The following RSF1 variants were observed in gnomAD, a reference collection of about 807,000 sequenced individuals.
RSF1 encodes HBV pX-associated protein 8.
In RSF1, 13 loss-of-function variants were observed where a neutral mutation model predicts 145.2. The ratio of observed to expected loss-of-function variants is 0.09; its 90% CI spans 0.06 to 0.14. The LOEUF (loss-of-function observed/expected upper bound fraction) is 0.14, where lower values mean the gene tolerates loss of function less well. RSF1 is among the 10% of genes least tolerant of loss of function. The pLI, the probability that RSF1 is intolerant of heterozygous loss-of-function variation, is 1.00. For synonymous variants in RSF1, 577 were observed against 592.6 expected (o/e 0.97, Z 0.38); for missense variants, 1,517 against 1,718.2 (o/e 0.88, Z 2.07).
At chr11:77,720,295 T>C (rs1960914380) in intron 5 of RSF1, among the ~76,000 whole-genome samples, 1 of 152,236 alleles carries the variant, frequency 6.6e-6, no homozygotes, top group Admixed American at 6.5e-5. Flanking sequence ...GACAGTCTTC[T>C]TTCAATTAGT....
chr11:77,686,408 C>CAAAAAATAAAAAA (rs1960006325), intron 9 of RSF1, among the ~76,000 whole-genome samples: 1 of 37,132 alleles, frequency 2.7e-5, no homozygotes, highest in Non-Finnish European at 4.7e-5. Context: ...GACCCTGTCT[C>CAAAAAATAAAAAA]AAAAAAAAAA....
At chr11:77,734,308 TG>T (rs34599168) in intron 4 of RSF1, among the ~76,000 whole-genome samples, 34,570 of 144,062 alleles carry the variant, frequency 0.24, 4,593 homozygotes, top group East Asian at 0.45. Flanking sequence ...TTACTTTTTT[TG>T]GGGGGGGGTA....
intron 2 of RSF1, chr11:77,764,316 G>A (rs972522095): frequency 1.7e-5 from 5 of 301,136 alleles, no homozygotes; most frequent in Non-Finnish European, 2.4e-5. Flanking sequence ...ATGTGATCAG[G>A]GTGATTTTAA....
the RSF1 span, among the ~76,000 whole-genome samples, chr11:77,839,551 G>A: frequency 3.8e-3 from 585 of 152,236 alleles, 3 homozygotes; most frequent in African/African-American, 0.013. Context: ...TTACAATAGC[G>A]AAGACATGGA....
At chr11:77,766,544 A>G (rs1948228054) in intron 1 of RSF1, among the ~76,000 whole-genome samples, 1 of 152,150 alleles carries the variant, frequency 6.6e-6, no homozygotes, top group Admixed American at 6.6e-5. Context: ...AAGACAAGTA[A>G]ATAGACAAAT....
chr11:77,832,947 ATATATG>A, the RSF1 span, among the ~76,000 whole-genome samples: 21 of 83,698 alleles, frequency 2.5e-4, no homozygotes, highest in Admixed American at 3.7e-4. Flanking sequence ...TATTGTATAT[ATATATG>A]TGTGTGTGTG....
chr11:77,798,758 TCTCA>T (rs1302401550), intron 1 of RSF1, among the ~76,000 whole-genome samples: 1 of 151,294 alleles, frequency 6.6e-6, no homozygotes, highest in Non-Finnish European at 1.5e-5. Context: ...CACCACACAT[TCTCA>T]CTCAGAAGTG....
chr11:77,759,050 A>AT (rs1948144652), intron 2 of RSF1, among the ~76,000 whole-genome samples: 1 of 151,634 alleles, frequency 6.6e-6, no homozygotes, highest in East Asian at 1.9e-4. Flanking sequence ...ATTTCCCTTT[A>AT]TTTTTTTCTA....
In RSF1 at chr11:77,788,134, C is replaced by T. The variant is rs1439333186; in HGVS notation, c.188-23445G>A. The stretch of plus-strand genomic sequence containing the variant: ...TCTAACCTGGGCAACCAGAGTGAGA[C>T]ACTATCTCAAAAAAAAAAAAAAAAA... On this transcript the variant is annotated intron_variant, in intron 1 of 15. Transcript: ENST00000308488. 4.1e-4 allele frequency among the ~76,000 whole-genome samples: 10 copies of T among 24,344 alleles called. No individual in the cohort carries two copies. In the Admixed American group the frequency reaches 6.8e-3, roughly 17 times the overall value. 16.0% of individuals were successfully genotyped at this position (24,344 alleles called of 152,430 possible).
chr11:77,820,830 G>T, upstream of RSF1: 1 of 1,079,502 alleles, frequency 9.3e-7, no homozygotes, highest in Non-Finnish European at 1.3e-6. Context: ...GCTCCTCTGC[G>T]GATCCCAGCG....
At chr11:77,673,895 G>T (rs1055494866) in intron 14 of RSF1, among the ~76,000 whole-genome samples, 1 of 151,978 alleles carries the variant, frequency 6.6e-6, no homozygotes, top group Non-Finnish European at 1.5e-5. Context: ...ATATCAAGAT[G>T]AGACAAAATT....
At chr11:77,761,015 C>T (rs1948166373) in intron 2 of RSF1, among the ~76,000 whole-genome samples, 1 of 152,000 alleles carries the variant, frequency 6.6e-6, no homozygotes, top group South Asian at 2.1e-4. Context: ...GCAACCTCCG[C>T]CTCCCTGCAA....
intron 4 of RSF1, among the ~76,000 whole-genome samples, chr11:77,726,711 C>A (rs766787584): frequency 6.6e-6 from 1 of 152,108 alleles, no homozygotes; most frequent in Admixed American, 6.5e-5. Context: ...TCTCAATGTG[C>A]GATGTAAATA....
chr11:77,705,565 A>C (rs1484306155), intron 5 of RSF1, among the ~76,000 whole-genome samples: 1 of 152,148 alleles, frequency 6.6e-6, no homozygotes, highest in African/African-American at 2.4e-5. Context: ...AACAGAACTT[A>C]TTTTGTTCAG....
At chr11:77,741,233 A>G (rs1040886036) in intron 3 of RSF1, among the ~76,000 whole-genome samples, 2 of 152,166 alleles carry the variant, frequency 1.3e-5, no homozygotes, top group Non-Finnish European at 2.9e-5. Flanking sequence ...CTCCCAAATC[A>G]TCTCATGGTA....
At chr11:77,850,523 C>CT in the RSF1 span, 1 of 151,858 alleles carries the variant, frequency 6.6e-6, no homozygotes, top group East Asian at 1.9e-4. Context: ...TTTTGTTAGA[C>CT]TGAAAGGGGT....
intron 2 of RSF1, among the ~76,000 whole-genome samples, chr11:77,747,937 A>G (rs1002939480): frequency 6.6e-6 from 1 of 152,198 alleles, no homozygotes; most frequent in Non-Finnish European, 1.5e-5. Flanking sequence ...AATGCCAGCA[A>G]TTTCACGTAT....
At chr11:77,841,064 A>G in the RSF1 span, 2 of 625,986 alleles carry the variant, frequency 3.2e-6, no homozygotes, top group African/African-American at 3.6e-5. Flanking sequence ...GCATCTGGTG[A>G]GAGCCTTCTT....
intron 5 of RSF1, among the ~76,000 whole-genome samples, chr11:77,712,269 T>C (rs755559057): frequency 6.6e-6 from 1 of 151,964 alleles, no homozygotes. Flanking sequence ...TAAATGGGAG[T>C]TCCCCTGCAC....
Sources: allele counts gnomAD v4.1 joint callset (sites outside exome capture counted in the v4.1 genomes callset), GRCh38; gene constraint gnomAD v4.1.1; transcripts MANE v1.5; gene names NCBI Gene and HGNC (gene_info 2026-07-23, HGNC 2026-07-21).